Variants in EFHC1 observed in about 807,000 individuals in gnomAD.
EFHC1 encodes EF-hand domain-containing protein 1.
In EFHC1, 53 loss-of-function variants were observed where a neutral mutation model predicts 69.9. That is an observed-to-expected ratio of 0.76 (90% confidence interval 0.61 to 0.95). EFHC1 has a LOEUF of 0.95. Among genes scored for constraint, EFHC1 ranks in the 40% least tolerant of loss-of-function variants. The pLI is 0.00. For missense variants in EFHC1, 739 were observed against 798.7 expected (o/e 0.93, Z 0.90); for synonymous variants, 256 against 278.4 (o/e 0.92, Z 0.80).
chr6:52,462,310 A>G (rs1765186063), intron 5 of EFHC1, among the ~76,000 whole-genome samples: 2 of 152,064 alleles, frequency 1.3e-5, no homozygotes, highest in African/African-American at 4.8e-5. Context: ...AGGAAAATAT[A>G]TAGCTTTAAA....
At chr6:52,422,433 T>C (rs1764210845) in intron 1 of EFHC1, among the ~76,000 whole-genome samples, 1 of 152,194 alleles carries the variant, frequency 6.6e-6, no homozygotes, top group African/African-American at 2.4e-5. Flanking sequence ...TCTGAATACA[T>C]GACCTTTAAA....
At chr6:52,459,620 T>A (rs1418762584) in intron 5 of EFHC1, among the ~76,000 whole-genome samples, 1 of 152,234 alleles carries the variant, frequency 6.6e-6, no homozygotes, top group Non-Finnish European at 1.5e-5. Context: ...GAAGGTCAGC[T>A]GAAACAACCA....
chr6:52,433,473 T>A (rs1390417679), intron 2 of EFHC1, among the ~76,000 whole-genome samples: 1 of 152,232 alleles, frequency 6.6e-6, no homozygotes, highest in African/African-American at 2.4e-5. Context: ...CCAGCAAGTC[T>A]GCCAGGCTCC....
intron 5 of EFHC1, among the ~76,000 whole-genome samples, chr6:52,462,552 A>T (rs562904045): frequency 6.6e-5 from 10 of 152,174 alleles, no homozygotes; most frequent in Non-Finnish European, 7.4e-5. Context: ...AAGATTTATG[A>T]AGGGATAAAC....
At chr6:52,471,840 C>T (rs1330827484) in intron 7 of EFHC1, among the ~76,000 whole-genome samples, 1 of 151,648 alleles carries the variant, frequency 6.6e-6, no homozygotes, top group Non-Finnish European at 1.5e-5. Context: ...TGTACTCCAG[C>T]CTGGGCGACA....
At chr6:52,433,381 G>C (rs1186911086) in intron 2 of EFHC1, among the ~76,000 whole-genome samples, 1 of 152,178 alleles carries the variant, frequency 6.6e-6, no homozygotes, top group African/African-American at 2.4e-5. Flanking sequence ...CCTTGATGTA[G>C]CATTCTCTCC....
chr6:52,450,332 A>G (rs758482505), intron 3 of EFHC1, among the ~76,000 whole-genome samples: 50 of 152,142 alleles, frequency 3.3e-4, no homozygotes, highest in Non-Finnish European at 5.9e-5. Context: ...ATTTGGTCCA[A>G]TGTTGAGTTA....
chr6:52,461,565 T>A (rs1765168374), intron 5 of EFHC1, among the ~76,000 whole-genome samples: 1 of 152,192 alleles, frequency 6.6e-6, no homozygotes, highest in Admixed American at 6.5e-5. Flanking sequence ...ATGATTTATA[T>A]TCCTTTGGAG....
At position 52,465,824 on chromosome 6, in the gene EFHC1, T is replaced by C. The variant is rs115279046; in HGVS notation, c.1137+709T>C. On this transcript the variant is annotated intron_variant, in intron 6 of 10. Coordinates refer to ENST00000371068, the MANE Select transcript of EFHC1 (RefSeq NM_018100.4). ...AAAGTCTGTCTCAAAAAAATATGTA[T>C]ATATTATATATCTATATAATATATA... Among the ~76,000 whole-genome samples, 584 of 148,180 alleles carry C rather than the reference T, an allele frequency of 3.9e-3. 5 individuals carry two copies. The highest frequency in any genetic ancestry group is 0.013 in the African/African-American group (539 of 40,846).
chr6:52,447,239 T>A lies in EFHC1; in HGVS notation c.574-5449T>A, dbSNP rs186362154. Among the ~76,000 whole-genome samples, 9 of 152,350 alleles carry A rather than the reference T, an allele frequency of 5.9e-5. No homozygotes were observed. The East Asian group carries it at 1.7e-3, about 29-fold the overall frequency. ...TTGGTCTTTTCACATAGTTCCATAT[T>A]TCTTGGAGGCTTTGTTCATTTCTTT... On this transcript the variant is annotated intron_variant, in intron 3 of 10. Transcript: ENST00000371068.
chr6:52,459,960 G>T (rs1765128024), intron 5 of EFHC1, among the ~76,000 whole-genome samples: 1 of 152,184 alleles, frequency 6.6e-6, no homozygotes, highest in Non-Finnish European at 1.5e-5. Context: ...ACAGGCATGA[G>T]CCACCGTACC....
At chr6:52,441,251 G>A (rs988686743) in intron 3 of EFHC1, among the ~76,000 whole-genome samples, 5 of 151,862 alleles carry the variant, frequency 3.3e-5, no homozygotes, top group Non-Finnish European at 5.9e-5. Context: ...TGTCTTCCAG[G>A]GTGTTTATAG....
intron 7 of EFHC1, among the ~76,000 whole-genome samples, chr6:52,470,820 G>A (rs907121738): frequency 6.6e-6 from 1 of 152,208 alleles, no homozygotes; most frequent in East Asian, 1.9e-4. Flanking sequence ...TATGAATAGT[G>A]TTAGATATTG....
chr6:52,440,933 T>G (rs1312755072), intron 3 of EFHC1, among the ~76,000 whole-genome samples: 2 of 152,198 alleles, frequency 1.3e-5, no homozygotes, highest in Middle Eastern at 3.2e-3. Context: ...GTGTATGTCT[T>G]CTTTTGAGAA....
intron 6 of EFHC1, chr6:52,469,037 G>C (rs941474231): frequency 9.7e-6 from 4 of 411,998 alleles, no homozygotes; most frequent in African/African-American, 8.5e-5. Context: ...CACTGGGGTG[G>C]GACTAGGTCC....
At chr6:52,447,421 G>T (rs890806815) in intron 3 of EFHC1, among the ~76,000 whole-genome samples, 1 of 152,166 alleles carries the variant, frequency 6.6e-6, no homozygotes, top group Non-Finnish European at 1.5e-5. Flanking sequence ...ATCAGGTCAT[G>T]TAAGGACTTT....
chr6:52,423,664 T>TTTTTTTC, intron 1 of EFHC1: 1 of 444,798 alleles, frequency 2.2e-6, no homozygotes, highest in South Asian at 3.1e-5. Flanking sequence ...CTAATTTTTT[T>TTTTTTTC]TTTTTTTTTT....
chr6:52,484,496 T>A (rs755020281), intron 9 of EFHC1: 1 of 152,236 alleles, frequency 6.6e-6, no homozygotes. Context: ...ATGTCTGACT[T>A]ACTTAGTAGT....
At chr6:52,461,595 T>C (rs2114003905) in intron 5 of EFHC1, among the ~76,000 whole-genome samples, 1 of 152,312 alleles carries the variant, frequency 6.6e-6, no homozygotes, top group South Asian at 2.1e-4. Context: ...GTAATGTGAT[T>C]GCTGGGTCGA....
Sources: allele counts gnomAD v4.1 joint callset (sites outside exome capture counted in the v4.1 genomes callset), GRCh38; gene constraint gnomAD v4.1.1; transcripts MANE v1.5; gene names NCBI Gene and HGNC (gene_info 2026-07-23, HGNC 2026-07-21).